The following NEGR1 variants were observed in gnomAD, a reference collection of about 807,000 sequenced individuals.
NEGR1 encodes the protein IgLON family member 4.
In NEGR1, 10 loss-of-function variants were observed where a neutral mutation model predicts 40.9. The observed-to-expected ratio is 0.24, with a 90% CI of 0.15 to 0.42. NEGR1 has a LOEUF of 0.42. NEGR1 is among the 10% of genes least tolerant of loss of function. NEGR1 has a pLI of 1.00. For synonymous variants in NEGR1, 185 were observed against 166.8 expected (o/e 1.11, Z -0.84); for missense variants, 352 against 438.9 (o/e 0.80, Z 1.77).
intron 3 of NEGR1, among the ~76,000 whole-genome samples, chr1:71,769,221 A>G (rs1295560437): frequency 6.6e-6 from 1 of 151,954 alleles, no homozygotes; most frequent in African/African-American, 2.4e-5. Flanking sequence ...CATATGTAAT[A>G]CAATTTTTAT....
intron 1 of NEGR1, among the ~76,000 whole-genome samples, chr1:72,014,572 T>G (rs2100408885): frequency 6.6e-6 from 1 of 152,120 alleles, no homozygotes; most frequent in Non-Finnish European, 1.5e-5. Flanking sequence ...TTCATGTACA[T>G]AGCATAACAT....
intron 3 of NEGR1, among the ~76,000 whole-genome samples, chr1:71,756,411 C>CAA (rs200281643): frequency 7.5e-5 from 5 of 66,416 alleles, no homozygotes; most frequent in African/African-American, 1.9e-4. Flanking sequence ...CAAAAACAAA[C>CAA]AAAAAAAAAA....
At chr1:71,771,995 G>T (rs1314656791) in intron 3 of NEGR1, among the ~76,000 whole-genome samples, 1 of 151,942 alleles carries the variant, frequency 6.6e-6, no homozygotes, top group Admixed American at 6.6e-5. Context: ...TGGTAGCATA[G>T]GGAAGAAAAA....
intron 2 of NEGR1, among the ~76,000 whole-genome samples, chr1:71,895,746 T>G (rs1407235153): frequency 6.6e-6 from 1 of 152,204 alleles, no homozygotes; most frequent in African/African-American, 2.4e-5. Flanking sequence ...TCAGTAACGC[T>G]GCTAAGAGCA....
intron 1 of NEGR1, among the ~76,000 whole-genome samples, chr1:72,240,240 T>C (rs1184304838): frequency 6.6e-6 from 1 of 151,802 alleles, no homozygotes; most frequent in Non-Finnish European, 1.5e-5. Flanking sequence ...ATGTTGAAGA[T>C]GAAGTCCATA....
chr1:71,431,660 A>G (rs1646470531), intron 6 of NEGR1, among the ~76,000 whole-genome samples: 1 of 152,190 alleles, frequency 6.6e-6, no homozygotes, highest in Non-Finnish European at 1.5e-5. Flanking sequence ...CTAGGGATAT[A>G]GCAATGAACA....
At chr1:71,854,200 TG>T (rs1443971392) in intron 2 of NEGR1, among the ~76,000 whole-genome samples, 1 of 151,958 alleles carries the variant, frequency 6.6e-6, no homozygotes, top group East Asian at 1.9e-4. Flanking sequence ...AAAATATTTT[TG>T]GTACCTTTTA....
chr1:71,520,208 G>C lies in NEGR1; in HGVS notation c.940+72609C>G, dbSNP rs542345393. Among the ~76,000 whole-genome samples the C allele has an allele frequency of 2.6e-5, 4 of 152,148 alleles. No individual in the cohort carries two copies. The East Asian group carries it at 7.8e-4, about 30-fold the overall frequency. ...AAATGACCAGTGGTGGGGTTGTCAT[G>C]ATGGTTAACTGAGATAATGGATTTA... is the stretch of plus-strand genomic sequence containing the variant. On this transcript the variant is annotated intron_variant, in intron 6 of 6. Transcript: ENST00000357731.
intron 2 of NEGR1, among the ~76,000 whole-genome samples, chr1:71,917,345 A>T (rs1661612250): frequency 6.6e-6 from 1 of 152,224 alleles, no homozygotes; most frequent in African/African-American, 2.4e-5. Flanking sequence ...TGTGTCTGAA[A>T]TATATAGCTT....
chr1:71,790,127 A>T (rs1557653226), intron 2 of NEGR1, among the ~76,000 whole-genome samples: 1 of 152,128 alleles, frequency 6.6e-6, no homozygotes, highest in South Asian at 2.1e-4. Context: ...TGTAGATTTC[A>T]GGAGCCGTTT....
chr1:71,992,106 A>G (rs761627773), intron 1 of NEGR1, among the ~76,000 whole-genome samples: 1 of 152,024 alleles, frequency 6.6e-6, no homozygotes, highest in African/African-American at 2.4e-5. Flanking sequence ...TGAGTTTACT[A>G]TTAAATATAT....
At chr1:71,868,050 CA>C (rs1660167862) in intron 2 of NEGR1, among the ~76,000 whole-genome samples, 1 of 152,056 alleles carries the variant, frequency 6.6e-6, no homozygotes, top group Non-Finnish European at 1.5e-5. Context: ...TTGAGGACAC[CA>C]TTAAACACTT....
At chr1:71,716,592 C>G (rs1654286074) in intron 3 of NEGR1, among the ~76,000 whole-genome samples, 2 of 152,114 alleles carry the variant, frequency 1.3e-5, no homozygotes, top group East Asian at 3.9e-4. Context: ...TGTGTTGTAA[C>G]AACACAATAT....
chr1:72,096,220 T>A (rs1187304395), intron 1 of NEGR1, among the ~76,000 whole-genome samples: 1 of 152,166 alleles, frequency 6.6e-6, no homozygotes, highest in Non-Finnish European at 1.5e-5. Context: ...ATTTTAAATG[T>A]TTTTTAAAAG....
At chr1:72,129,510 GT>G (rs1345988796) in intron 1 of NEGR1, among the ~76,000 whole-genome samples, 2 of 152,146 alleles carry the variant, frequency 1.3e-5, no homozygotes, top group African/African-American at 4.8e-5. Flanking sequence ...CAAGTGGAGA[GT>G]AGAACAAAAT....
chr1:71,886,740 T>A (rs1660735688), intron 2 of NEGR1, among the ~76,000 whole-genome samples: 1 of 152,118 alleles, frequency 6.6e-6, no homozygotes, highest in South Asian at 2.1e-4. Context: ...TTGAGAACTG[T>A]TCATTACCTT....
At chr1:71,689,109 GA>G (rs1484048925) in intron 4 of NEGR1, among the ~76,000 whole-genome samples, 3 of 152,014 alleles carry the variant, frequency 2.0e-5, no homozygotes, top group Admixed American at 2.0e-4. Flanking sequence ...TTCTTCACAT[GA>G]ATTACATTTT....
At chr1:72,048,602 A>G (rs1350833192) in intron 1 of NEGR1, among the ~76,000 whole-genome samples, 1 of 151,624 alleles carries the variant, frequency 6.6e-6, no homozygotes, top group Non-Finnish European at 1.5e-5. Flanking sequence ...GGGTGGGGAC[A>G]GGAACAAGCC....
intron 6 of NEGR1, among the ~76,000 whole-genome samples, chr1:71,504,588 TC>T (rs1273931639): frequency 6.6e-6 from 1 of 152,122 alleles, no homozygotes; most frequent in East Asian, 1.9e-4. Context: ...AGGGGTTCCT[TC>T]TGAGTAGGTC....
Sources: allele counts gnomAD v4.1 joint callset (sites outside exome capture counted in the v4.1 genomes callset), GRCh38; gene constraint gnomAD v4.1.1; transcripts MANE v1.5; gene names NCBI Gene and HGNC (gene_info 2026-07-23, HGNC 2026-07-21).